The following KAT7 variants were observed in gnomAD, a reference collection of about 807,000 sequenced individuals.
KAT7 encodes histone acetyltransferase KAT7.
KAT7 carries 10 observed loss-of-function variants against 82.1 expected under a neutral mutation model. The ratio of observed to expected loss-of-function variants is 0.12; its 90% CI spans 0.08 to 0.21. KAT7 has a LOEUF of 0.21. KAT7 is among the 10% of genes least tolerant of loss of function. KAT7 has a pLI of 1.00. For synonymous variants in KAT7, 250 were observed against 262.5 expected (o/e 0.95, Z 0.46); for missense variants, 378 against 760.9 (o/e 0.50, Z 5.92).
intron 5 of KAT7, among the ~76,000 whole-genome samples, chr17:49,807,735 G>A (rs1718152163): frequency 6.6e-6 from 1 of 152,166 alleles, no homozygotes. Context: ...GACTAGCTTT[G>A]TATCGGCAGC....
chr17:49,821,858 C>A, intron 11 of KAT7, 68 bp downstream of exon 11: 1 of 1,404,000 alleles, frequency 7.1e-7, no homozygotes, highest in Non-Finnish European at 1.0e-6. Context: ...CAGTTGGGGG[C>A]TCAAATCACT....
Position 49,821,613 on chromosome 17 carries a change from A to T in KAT7, c.1246-37A>T, listed in dbSNP as rs745715040. ...TTAGGCCTTTATCTGTTTAGGAATC[A>T]GTGGCCCACACATGAACTCTGTTTC... is the stretch of plus-strand genomic sequence containing the variant. On this transcript the variant is annotated intron_variant, in intron 10 of 14. Coordinates refer to ENST00000259021, the MANE Select transcript of KAT7 (RefSeq NM_007067.5). 5.6e-6 allele frequency: 9 copies of T among 1,610,982 alleles called. No individual in the cohort carries two copies. In the African/African-American group the frequency reaches 9.4e-5, roughly 17 times the overall value.
chr17:49,798,248 T>C (rs1598055715), intron 3 of KAT7, 71 bp from the exon 4 acceptor site: 1 of 1,467,200 alleles, frequency 6.8e-7, no homozygotes, highest in Non-Finnish European at 9.3e-7. Flanking sequence ...GGGAAGCCCA[T>C]AAACTCTGAA....
chr17:49,825,986 T>G lies in KAT7; in HGVS notation c.1481-14T>G. Reference sequence around the variant, plus strand: ...GAGTGTTGCTAGAAAAAGTCTGTATTTGTTCCCTGGCAGGTTATTTGCTTT... The same window carrying G: ...GAGTGTTGCTAGAAAAAGTCTGTATGTGTTCCCTGGCAGGTTATTTGCTTT... On this transcript the variant is annotated splice_polypyrimidine_tract_variant and intron_variant, in intron 12 of 14. Coordinates refer to ENST00000259021, the MANE Select transcript of KAT7 (RefSeq NM_007067.5). The G allele has an allele frequency of 6.2e-7, 1 of 1,605,054 alleles. No homozygotes were observed. The highest frequency in any genetic ancestry group is 8.5e-7 in the Non-Finnish European group (1 of 1,174,442).
intron 9 of KAT7, among the ~76,000 whole-genome samples, chr17:49,819,600 A>G (rs1250876257): frequency 6.6e-6 from 1 of 152,232 alleles, no homozygotes; most frequent in Non-Finnish European, 1.5e-5. Flanking sequence ...TAAATCTGAG[A>G]ATCAAATAAA....
chr17:49,793,051 A>C (rs1030188678), intron 2 of KAT7, among the ~76,000 whole-genome samples: 5 of 152,168 alleles, frequency 3.3e-5, no homozygotes, highest in African/African-American at 1.2e-4. Flanking sequence ...GGACTCAAGC[A>C]GTCCTTCCAC....
At chr17:49,799,224 A>G (rs941176533) in intron 4 of KAT7, among the ~76,000 whole-genome samples, 1 of 152,170 alleles carries the variant, frequency 6.6e-6, no homozygotes, top group Non-Finnish European at 1.5e-5. Context: ...GGTTTTGTCT[A>G]GAGTTGGAAG....
chr17:49,811,664 C>T, intron 7 of KAT7, 90 bp downstream of exon 7: 2 of 589,408 alleles, frequency 3.4e-6, no homozygotes, highest in Admixed American at 3.9e-5. Context: ...TTCAGATTTG[C>T]CATTTAGTAT....
At chr17:49,811,609 T>C (rs926432345) in intron 7 of KAT7, 35 bp downstream of exon 7, 2 of 1,071,724 alleles carry the variant, frequency 1.9e-6, no homozygotes, top group Admixed American at 2.7e-5. Context: ...GAGCATGAAC[T>C]CCTGCTATCA....
At chr17:49,826,231 C>T (rs188281020) in intron 13 of KAT7, 85 bp downstream of exon 13, 41 of 1,370,916 alleles carry the variant, frequency 3.0e-5, no homozygotes, top group African/African-American at 1.4e-4. Flanking sequence ...AATGTGAGAA[C>T]GGAAGGCCCA....
At chr17:49,793,220 G>A (rs772224987) in intron 2 of KAT7, among the ~76,000 whole-genome samples, 1 of 152,176 alleles carries the variant, frequency 6.6e-6, no homozygotes, top group Non-Finnish European at 1.5e-5. Context: ...CTTACTCTTG[G>A]CAGAGGCCCA....
chr17:49,812,116 TA>T (rs995142791), intron 7 of KAT7, among the ~76,000 whole-genome samples: 6 of 152,238 alleles, frequency 3.9e-5, no homozygotes, highest in Non-Finnish European at 8.8e-5. Flanking sequence ...TCCTACTACC[TA>T]AAAATAGCCA....
At chr17:49,822,867 A>G (rs1177822337) in intron 11 of KAT7, among the ~76,000 whole-genome samples, 1 of 151,952 alleles carries the variant, frequency 6.6e-6, no homozygotes, top group African/African-American at 2.4e-5. Context: ...CTTCTCTTCC[A>G]GTAGGCAGCT....
chr17:49,790,620 TA>T (rs1167725108), intron 1 of KAT7, among the ~76,000 whole-genome samples: 1 of 152,228 alleles, frequency 6.6e-6, no homozygotes, highest in East Asian at 1.9e-4. Flanking sequence ...ATTTTTTTAG[TA>T]ACCTGTTTGG....
intron 4 of KAT7, among the ~76,000 whole-genome samples, chr17:49,801,452 A>G (rs1172517648): frequency 6.6e-6 from 1 of 151,884 alleles, no homozygotes; most frequent in Non-Finnish European, 1.5e-5. Flanking sequence ...TTTGGTTTTA[A>G]TGTATTGGAA....
chr17:49,807,101 G>C (rs1330772745), intron 5 of KAT7, among the ~76,000 whole-genome samples: 4 of 152,198 alleles, frequency 2.6e-5, no homozygotes, highest in Non-Finnish European at 5.9e-5. Context: ...GTAGCTGCAT[G>C]TGCCAAATAC....
At chr17:49,804,600 C>A (rs2074068463) in intron 4 of KAT7, among the ~76,000 whole-genome samples, 1 of 151,842 alleles carries the variant, frequency 6.6e-6, no homozygotes, top group South Asian at 2.1e-4. Flanking sequence ...ACACTGAGAC[C>A]CGTTTCTACA....
chr17:49,814,979 A>G (rs569351235), intron 7 of KAT7: 1 of 152,342 alleles, frequency 6.6e-6, no homozygotes, highest in South Asian at 2.1e-4. Flanking sequence ...GGTGGAGCCT[A>G]CAACAGAGTG....
chr17:49,792,554 G>A (rs1002367536), intron 2 of KAT7, among the ~76,000 whole-genome samples: 3 of 152,014 alleles, frequency 2.0e-5, no homozygotes, highest in African/African-American at 7.3e-5. Context: ...ATTTTCTCAT[G>A]TTGCTGAGTG....
Sources: gnomAD v4.1 joint callset for allele counts (sites outside exome capture counted in the v4.1 genomes callset) on GRCh38, gnomAD v4.1.1 for gene constraint, MANE v1.5 for transcripts, NCBI Gene and HGNC (gene_info 2026-07-23, HGNC 2026-07-21) for gene names.